ZNF717: variants seen among roughly 807,000 people sequenced by gnomAD.
ZNF717 encodes the protein zinc finger protein 717.
A neutral mutation model predicts 13.8 loss-of-function variants in ZNF717; 9 were observed. The observed-to-expected ratio is 0.65, with a 90% confidence interval of 0.39 to 1.14. ZNF717 has a LOEUF of 1.14. Ranked by LOEUF, ZNF717 falls within the 50% of genes most tolerant of loss-of-function variation. The pLI is 0.01. For missense variants in ZNF717, 1,040 were observed against 1,080.7 expected (o/e 0.96, Z 0.53); for synonymous variants, 327 against 364.1 (o/e 0.90, Z 1.16).
chr3:75,760,052 G>A (rs191940126), intron 2 of ZNF717, among the ~76,000 whole-genome samples: 68 of 150,728 alleles, frequency 4.5e-4, no homozygotes, highest in African/African-American at 7.3e-4. Flanking sequence ...TTTTTGAGAC[G>A]GAGTCTCACT....
intron 2 of ZNF717, among the ~76,000 whole-genome samples, chr3:75,774,036 G>A (rs1368196161): frequency 3.3e-5 from 5 of 152,070 alleles, no homozygotes; most frequent in African/African-American, 4.8e-5. Context: ...GGCAACAAGA[G>A]GGAAAATCCA....
At chr3:75,694,785 C>T (rs932976000) in intron 6 of ZNF717, among the ~76,000 whole-genome samples, 1 of 152,182 alleles carries the variant, frequency 6.6e-6, no homozygotes, top group African/African-American at 2.4e-5. Flanking sequence ...AGTCTAAAAT[C>T]ATGTATTATA....
chr3:75,735,130 C>T (rs2106960418), downstream of ZNF717, among the ~76,000 whole-genome samples: 1 of 152,306 alleles, frequency 6.6e-6, no homozygotes, highest in South Asian at 2.1e-4. Context: ...CAGCCAATTA[C>T]ATACTTTAAT....
At chr3:75,727,440 G>A (rs1239757854), downstream of ZNF717, among the ~76,000 whole-genome samples, 12 of 152,284 alleles carry the variant, frequency 7.9e-5, no homozygotes, top group African/African-American at 2.9e-4. Context: ...GTGTGAGTAA[G>A]AGAATATCAC....
chr3:75,760,564 G>C (rs1942912118), intron 2 of ZNF717, among the ~76,000 whole-genome samples: 1 of 152,168 alleles, frequency 6.6e-6, no homozygotes, highest in Non-Finnish European at 1.5e-5. Flanking sequence ...GAAGCTTACA[G>C]CTGCAGATGC....
At chr3:75,712,469 T>C (rs1328018201) in intron 5 of ZNF717, among the ~76,000 whole-genome samples, 4 of 152,348 alleles carry the variant, frequency 2.6e-5, no homozygotes, top group Non-Finnish European at 5.9e-5. Context: ...AGAAAACTAA[T>C]AAATTAATTT....
intron 2 of ZNF717, among the ~76,000 whole-genome samples, chr3:75,745,275 A>G (rs1403719049): frequency 6.6e-6 from 1 of 151,964 alleles, no homozygotes; most frequent in Non-Finnish European, 1.5e-5. Flanking sequence ...AGACCAATGC[A>G]GTAGCGTTCT....
intron 6 of ZNF717, among the ~76,000 whole-genome samples, chr3:75,702,539 C>T (rs77602943): frequency 1.2e-4 from 16 of 138,364 alleles, no homozygotes; most frequent in Admixed American, 2.1e-4. Flanking sequence ...TTAGAAAGAA[C>T]GAATAAGACA....
intron 2 of ZNF717, among the ~76,000 whole-genome samples, chr3:75,779,022 C>G (rs1319220272): frequency 1.3e-5 from 2 of 150,774 alleles, no homozygotes; most frequent in Non-Finnish European, 3.0e-5. Context: ...GGTGCTAAAA[C>G]CGGAACCCAA....
intron 6 of ZNF717, among the ~76,000 whole-genome samples, chr3:75,699,782 T>C (rs1482571249): frequency 4.6e-4 from 70 of 152,320 alleles, no homozygotes; most frequent in African/African-American, 1.6e-3. Context: ...CTATTAGAAG[T>C]AATAACTTGA....
At chr3:75,773,175 A>C (rs1944030574) in intron 2 of ZNF717, among the ~76,000 whole-genome samples, 1 of 151,902 alleles carries the variant, frequency 6.6e-6, no homozygotes. Context: ...CCATTGTTTC[A>C]TTTTTCTCGC....
chr3:75,701,260 C>T (rs1937689773), intron 6 of ZNF717, among the ~76,000 whole-genome samples: 2 of 152,308 alleles, frequency 1.3e-5, no homozygotes, highest in Non-Finnish European at 2.9e-5. Flanking sequence ...CACATACATG[C>T]TCTCGTCTGG....
At chr3:75,732,059 C>G, downstream of ZNF717, 1 of 702,920 alleles carries the variant, frequency 1.4e-6, no homozygotes, top group East Asian at 2.7e-5. Context: ...GTAAAATTTA[C>G]CTCCTGGAGC....
chr3:75,696,600 C>G (rs112913329), intron 6 of ZNF717, among the ~76,000 whole-genome samples: 24 of 149,930 alleles, frequency 1.6e-4, no homozygotes, highest in Non-Finnish European at 2.8e-4. Flanking sequence ...ATCACATAAA[C>G]AGAATGAAGG....
Position 75,737,478 on chromosome 3 carries a change from C to T in ZNF717, c.2145G>A (p.Arg715=), listed in dbSNP as rs1181202352. 5.8e-6 allele frequency: 9 copies of T among 1,554,484 alleles called. No individual in the cohort carries two copies. Among genetic ancestry groups the T allele is most frequent in the Non-Finnish European group, 5.2e-6 (6 of 1,148,762 alleles). Residue 715 remains arginine (R), a synonymous_variant, in exon 5 of 5, where the codon AGG becomes AGA. Transcript: ENST00000652011. ...ATACCTTGATGCTTCTGAAGATTTG[C>T]CTTCTGATGAAAGGATTTTCCACAT... ...VMNVENPFIR[R]QIFRSIKVFT...
intron 2 of ZNF717, among the ~76,000 whole-genome samples, chr3:75,755,249 T>C (rs201457547): frequency 2.3e-4 from 10 of 44,206 alleles, no homozygotes; most frequent in African/African-American, 5.5e-4. Flanking sequence ...TGGATCAACA[T>C]TTTTTTAAAA....
At chr3:75,722,803 CA>C (rs146853808) in intron 4 of ZNF717, among the ~76,000 whole-genome samples, 4 of 98,878 alleles carry the variant, frequency 4.0e-5, no homozygotes, top group African/African-American at 1.4e-4. Flanking sequence ...AACTCCATCT[CA>C]AAAAAAAAAA....
intron 6 of ZNF717, among the ~76,000 whole-genome samples, chr3:75,697,050 A>T (rs796275468): frequency 6.6e-6 from 1 of 152,312 alleles, no homozygotes; most frequent in Non-Finnish European, 1.5e-5. Context: ...AAAGTCATAT[A>T]TGACAGACCA....
chr3:75,717,961 T>C (rs1167495609), intron 4 of ZNF717, among the ~76,000 whole-genome samples: 1 of 152,156 alleles, frequency 6.6e-6, no homozygotes, highest in African/African-American at 2.4e-5. Flanking sequence ...GCACGTAGTT[T>C]ATTTGGGACT....
Sources: gnomAD v4.1 joint callset for allele counts (sites outside exome capture counted in the v4.1 genomes callset) on GRCh38, gnomAD v4.1.1 for gene constraint, MANE v1.5 for transcripts, NCBI Gene and HGNC (gene_info 2026-07-23, HGNC 2026-07-21) for gene names.